The following CLEC16A variants were observed in gnomAD, a reference collection of about 807,000 sequenced individuals.
CLEC16A encodes the protein protein CLEC16A.
CLEC16A carries 51 observed loss-of-function variants against 109.5 expected under a neutral mutation model. The ratio of observed to expected loss-of-function variants is 0.47; its 90% CI spans 0.37 to 0.59. The LOEUF is 0.59. CLEC16A is among the 20% of genes least tolerant of loss of function. The pLI, the probability that CLEC16A is intolerant of heterozygous loss-of-function variation, is 0.00. For missense variants in CLEC16A, 1,339 were observed against 1,394.0 expected (o/e 0.96, Z 0.63); for synonymous variants, 673 against 564.2 (o/e 1.19, Z -2.73).
chr16:10,963,140 G>A (rs1003030107), intron 3 of CLEC16A, among the ~76,000 whole-genome samples: 1 of 152,110 alleles, frequency 6.6e-6, no homozygotes, highest in Non-Finnish European at 1.5e-5. Flanking sequence ...GCTTGCAGAC[G>A]GCCACCCTCT....
intron 11 of CLEC16A, among the ~76,000 whole-genome samples, chr16:11,006,243 C>G (rs958620524): frequency 3.3e-5 from 5 of 152,140 alleles, no homozygotes; most frequent in Non-Finnish European, 7.4e-5. Flanking sequence ...ATATTCTGGA[C>G]CGATTGGCCT....
intron 19 of CLEC16A, among the ~76,000 whole-genome samples, chr16:11,103,929 G>A (rs2051069582): frequency 6.6e-6 from 1 of 152,230 alleles, no homozygotes; most frequent in Non-Finnish European, 1.5e-5. Context: ...GATGTTAGCA[G>A]GAGAGAATGC....
rs564844254 is a variant in CLEC16A at position 11,015,072 on chromosome 16, G to C, written c.1304-5121G>C. Among the ~76,000 whole-genome samples the C allele has an allele frequency of 2.6e-5, 4 of 152,228 alleles. No homozygotes were observed. The South Asian group carries it at 6.2e-4, about 24-fold the overall frequency. On this transcript the variant is annotated intron_variant, in intron 11 of 23. Coordinates refer to ENST00000409790, the MANE Select transcript of CLEC16A (RefSeq NM_015226.3). ...TTCAGGGAATTGGCAGACCTATAAG[G>C]GTTGTTTCAGTACCTATAAGGGTTG...
intron 8 of CLEC16A, 126 bp from the exon 9 acceptor site, chr16:10,979,203 G>A: frequency 1.3e-6 from 1 of 751,610 alleles, no homozygotes; most frequent in Non-Finnish European, 2.2e-6. Flanking sequence ...ACAGCCCTAG[G>A]GCCGTGGAGG....
In CLEC16A at chr16:11,109,473, T is replaced by C. The variant is rs370457530; in HGVS notation, c.2117-11142T>C. ...TCAGCCCTGATAATCTTTCAGTACA[T>C]GGCTTTAGAGAACCAAAGCCTGGAA... On this transcript the variant is annotated intron_variant, in intron 19 of 23. Coordinates refer to ENST00000409790, the MANE Select transcript of CLEC16A (RefSeq NM_015226.3). Among the ~76,000 whole-genome samples the C allele has an allele frequency of 3.0e-4, 45 of 152,300 alleles. No individual in the cohort carries two copies. In the East Asian group the frequency reaches 7.9e-3, roughly 27 times the overall value.
intron 9 of CLEC16A, among the ~76,000 whole-genome samples, chr16:10,982,444 C>T (rs1339322288): frequency 6.6e-6 from 1 of 152,218 alleles, no homozygotes; most frequent in Non-Finnish European, 1.5e-5. Context: ...TTGATTGGAA[C>T]AAAACTCTCC....
At position 11,090,958 on chromosome 16, in the gene CLEC16A, C is replaced by T. The variant is rs551176034; in HGVS notation, c.2117-29657C>T. On this transcript the variant is annotated intron_variant, in intron 19 of 23. Transcript: ENST00000409790. ...GTGCTGGGATTACAGGCATGAGCCA[C>T]GGTGCCCAGCCTATTTTAATTTTTT... Among the ~76,000 whole-genome samples, 51 of 152,150 alleles carry T rather than the reference C, an allele frequency of 3.4e-4. No homozygotes were observed. The South Asian group carries it at 9.7e-3, about 29-fold the overall frequency.
intron 19 of CLEC16A, among the ~76,000 whole-genome samples, chr16:11,106,628 T>C (rs1376552183): frequency 6.6e-6 from 1 of 151,906 alleles, no homozygotes; most frequent in Non-Finnish European, 1.5e-5. Flanking sequence ...GGGACTATAG[T>C]TGCATGCCAC....
intron 13 of CLEC16A, chr16:11,027,501 G>C: frequency 6.3e-7 from 1 of 1,585,428 alleles, no homozygotes; most frequent in East Asian, 2.2e-5. Context: ...ACAAGCCAAG[G>C]TCAAGAGTAA....
chr16:11,021,625 C>A (rs1047920593), intron 12 of CLEC16A, among the ~76,000 whole-genome samples: 9 of 152,134 alleles, frequency 5.9e-5, no homozygotes, highest in African/African-American at 2.2e-4. Context: ...AGTGAGACCC[C>A]ATCTTTACGA....
chr16:11,147,405 G>A (rs539876667), intron 22 of CLEC16A, among the ~76,000 whole-genome samples: 7 of 152,290 alleles, frequency 4.6e-5, no homozygotes, highest in Non-Finnish European at 1.0e-4. Flanking sequence ...TCTTGGACTT[G>A]GGCCTGATTT....
At chr16:11,006,956 G>A (rs959503208) in intron 11 of CLEC16A, among the ~76,000 whole-genome samples, 10 of 152,134 alleles carry the variant, frequency 6.6e-5, no homozygotes, top group South Asian at 2.1e-4. Context: ...GGATATCATC[G>A]TCCCTGTAGG....
At chr16:11,011,550 C>T (rs1350829932) in intron 11 of CLEC16A, among the ~76,000 whole-genome samples, 1 of 152,082 alleles carries the variant, frequency 6.6e-6, no homozygotes, top group East Asian at 1.9e-4. Context: ...TCATCTAGTA[C>T]CTCCTCTGCC....
In CLEC16A at chr16:10,954,554, A is replaced by T. The variant is rs2041897903; in HGVS notation, c.81-3228A>T. ...TAGGTAGATACTAAAGTATTCAGGT[A>T]CCATTGCTGTTTACATTTTACTGGT... On this transcript the variant is annotated intron_variant, in intron 1 of 23. Coordinates refer to ENST00000409790, the MANE Select transcript of CLEC16A (RefSeq NM_015226.3). The surrounding 1 kb of genome is among the most constrained non-coding windows in gnomAD (Gnocchi z 4.2). Among the ~76,000 whole-genome samples the T allele has an allele frequency of 6.6e-6, 1 of 152,206 alleles. No homozygotes were observed. The highest frequency in any genetic ancestry group is 1.5e-5 in the Non-Finnish European group (1 of 68,042).
At chr16:10,990,686 C>T (rs2043954570) in intron 10 of CLEC16A, among the ~76,000 whole-genome samples, 1 of 152,230 alleles carries the variant, frequency 6.6e-6, no homozygotes, top group African/African-American at 2.4e-5. Flanking sequence ...TATATCTGTC[C>T]TGCAGTGTGT....
chr16:10,978,278 C>G (rs1324627103), intron 8 of CLEC16A, among the ~76,000 whole-genome samples: 3 of 152,200 alleles, frequency 2.0e-5, no homozygotes, highest in Admixed American at 6.5e-5. Context: ...TCAGGGCCCC[C>G]CTGTGAGGAA....
At chr16:11,177,937 G>T (rs1046922310) in intron 23 of CLEC16A, among the ~76,000 whole-genome samples, 2 of 151,020 alleles carry the variant, frequency 1.3e-5, no homozygotes, top group Non-Finnish European at 2.9e-5. Flanking sequence ...CTGATATTAC[G>T]AGCACACCCA....
At chr16:11,008,563 G>A (rs1424465222) in intron 11 of CLEC16A, among the ~76,000 whole-genome samples, 1 of 151,936 alleles carries the variant, frequency 6.6e-6, no homozygotes, top group Non-Finnish European at 1.5e-5. Context: ...CCCCACATAG[G>A]CACTAGTTGG....
Position 11,003,424 on chromosome 16 carries a change from C to G in CLEC16A, c.1303+119C>G, listed in dbSNP as rs772324394. 6 of 742,112 alleles carry G rather than the reference C, an allele frequency of 8.1e-6. No homozygotes were observed. In the African/African-American group the frequency reaches 1.1e-4, roughly 13 times the overall value. The allele number at this position is 742,112 out of a possible 1,614,324, so 46.0% of individuals were successfully genotyped here. On this transcript the variant is annotated intron_variant, in intron 11 of 23. Coordinates refer to ENST00000409790, the MANE Select transcript of CLEC16A (RefSeq NM_015226.3). ...TCCCCACAGTGTCCAGCCAGTGATT[C>G]GATTCCTACCTCACACTGGCGTACC...
Sources: gnomAD v4.1 joint callset for allele counts (sites outside exome capture counted in the v4.1 genomes callset) on GRCh38, gnomAD v4.1.1 for gene constraint, Gnocchi (gnomAD v3.1) non-coding constraint, MANE v1.5 for transcripts, NCBI Gene and HGNC (gene_info 2026-07-23, HGNC 2026-07-21) for gene names.